The following TRANK1 variants were observed in gnomAD, a reference collection of about 807,000 sequenced individuals.
TRANK1 encodes tetratricopeptide repeat and ankyrin repeat containing 1, also known as TPR and ankyrin repeat-containing protein 1.
A neutral mutation model predicts 266.0 loss-of-function variants in TRANK1; 198 were observed. That is an observed-to-expected ratio of 0.74 (90% CI 0.66 to 0.84). The LOEUF (loss-of-function observed/expected upper bound fraction) is 0.84. Among genes scored for constraint, TRANK1 ranks in the 40% least tolerant of loss-of-function variants. The pLI, the probability that TRANK1 is intolerant of heterozygous loss-of-function variation, is 0.00. For missense variants in TRANK1, 3,326 were observed against 3,634.6 expected (o/e 0.92, Z 2.18); for synonymous variants, 1,396 against 1,384.1 (o/e 1.01, Z -0.19).
At position 36,864,430 on chromosome 3, in the gene TRANK1, C is replaced by T. The variant is rs1424358002; in HGVS notation, c.1129G>A (p.Val377Ile). 2.0e-6 allele frequency: 3 copies of T among 1,536,604 alleles called. No homozygotes were observed. The highest frequency in any genetic ancestry group is 2.4e-5 in the East Asian group (1 of 40,904). Residue 377 changes from valine (V) to isoleucine (I), a missense_variant, in exon 10 of 24, where the codon GTC (valine) becomes ATC (isoleucine). Coordinates refer to ENST00000645898, the MANE Select transcript of TRANK1 (RefSeq NM_001329998.2). ...ATATACTTCACCAGCTGCTCCAAGACCTTCCTGAAAATGTCGTTTTCACTA... is the reference window on the plus strand; with the variant it reads ...ATATACTTCACCAGCTGCTCCAAGATCTTCCTGAAAATGTCGTTTTCACTA... Reference protein sequence around the residue: ...PTSENDIFRKVLEQLVKYMNS... With the variant: ...PTSENDIFRKILEQLVKYMNS...
intron 1 of TRANK1, among the ~76,000 whole-genome samples, chr3:36,911,774 T>C (rs1048091482): frequency 1.3e-5 from 2 of 152,260 alleles, no homozygotes; most frequent in African/African-American, 4.8e-5. Context: ...ATGATTTATT[T>C]ATAAGATGAA....
chr3:36,857,532 GTC>G lies in TRANK1; in HGVS notation c.2188_2189del (p.Asp730LeufsTer14), dbSNP rs2079075210. The G allele has an allele frequency of 6.2e-7, 1 of 1,613,916 alleles. No individual in the cohort carries two copies. Reference protein sequence around the residue: ...PGALRPCSLRDCLMQDITVLI... With the variant: ...PGALRPCSLRXCLMQDITVLI... ...AAACTGTGATGTCCTGCATAAGGCA[GTC>G]TCTCAGCGAGCAGGGCCTGAGAGCT... On this transcript the variant is annotated frameshift_variant, in exon 13 of 24. Transcript: ENST00000645898. LOFTEE classifies it high-confidence loss of function. The surrounding 1 kb of genome is among the most constrained non-coding windows in gnomAD (Gnocchi z 4.3).
At position 36,846,372 on chromosome 3, in the gene TRANK1, G is replaced by T. The variant is rs142584752; in HGVS notation, c.5067C>A (p.Thr1689=). Residue 1689 remains threonine (T), a synonymous_variant, in exon 17 of 24, where the codon ACC becomes ACA. Coordinates refer to ENST00000645898, the MANE Select transcript of TRANK1 (RefSeq NM_001329998.2). ...GGTTGACCCGAGCCCGTGTGATGGC[G>T]GTGTACAGCTGCTTCAGCTCTCCGT... ...LLNGELKQLY[T]AITRARVNLW... is the part of the protein sequence containing the mutation. The T allele has an allele frequency of 1.9e-5, 30 of 1,613,320 alleles. No homozygotes were observed. In the East Asian group the frequency reaches 6.7e-4, roughly 36 times the overall value.
At chr3:36,936,471 G>C (rs780718673) in intron 1 of TRANK1, among the ~76,000 whole-genome samples, 6 of 151,226 alleles carry the variant, frequency 4.0e-5, no homozygotes, top group African/African-American at 9.7e-5. Context: ...GGGTGACAGA[G>C]TGAGATCCTC....
chr3:36,914,621 T>C (rs2080100311), intron 1 of TRANK1, among the ~76,000 whole-genome samples: 1 of 151,658 alleles, frequency 6.6e-6, no homozygotes, highest in South Asian at 2.1e-4. Flanking sequence ...GGAACATTTT[T>C]CTAGATTATT....
In TRANK1 at chr3:36,856,112, C is replaced by T. The variant is rs2079049229; in HGVS notation, c.3610G>A (p.Glu1204Lys). 1.2e-6 allele frequency: 2 copies of T among 1,613,836 alleles called. No homozygotes were observed. The highest frequency in any genetic ancestry group is 1.7e-6 in the Non-Finnish European group (2 of 1,179,872). Reference protein sequence around the residue: ...FVTKNHVLCQEVQRNFIELSK... With the variant: ...FVTKNHVLCQKVQRNFIELSK... ...AGCTCAATGAAATTCCTTTGTACCT[C>T]CTGGCACAGCACATGGTTCTTGGTC... Residue 1204 changes from glutamate (E) to lysine (K), a missense_variant, in exon 13 of 24, where the codon GAG (glutamate) becomes AAG (lysine). By Grantham distance (56) the Glu-to-Lys change is moderately conservative (BLOSUM62 1). Coordinates refer to ENST00000645898, the MANE Select transcript of TRANK1 (RefSeq NM_001329998.2).
intron 1 of TRANK1, among the ~76,000 whole-genome samples, chr3:36,923,682 T>C (rs1018656352): frequency 6.6e-6 from 1 of 152,148 alleles, no homozygotes; most frequent in Non-Finnish European, 1.5e-5. Flanking sequence ...CCCCTCTCTC[T>C]TTCCCTTTCT....
intron 1 of TRANK1, among the ~76,000 whole-genome samples, chr3:36,929,084 A>C (rs554967657): frequency 2.0e-5 from 3 of 152,254 alleles, no homozygotes; most frequent in African/African-American, 7.2e-5. Context: ...AAAACAAATA[A>C]ATAAAAGAGT....
intron 15 of TRANK1, chr3:36,850,406 C>T (rs1217573860): frequency 1.0e-6 from 1 of 985,152 alleles, no homozygotes; most frequent in East Asian, 1.1e-4. Flanking sequence ...GAACTCAAAG[C>T]ATCTGAGTTC....
chr3:36,879,971 T>C (rs1432271889), intron 8 of TRANK1, among the ~76,000 whole-genome samples: 1 of 10,904 alleles, frequency 9.2e-5, no homozygotes, highest in African/African-American at 7.3e-4. Context: ...CATGCAAATA[T>C]ATGTAAACAT....
At chr3:36,884,029 T>C (rs1303017715) in intron 8 of TRANK1, among the ~76,000 whole-genome samples, 3 of 152,200 alleles carry the variant, frequency 2.0e-5, no homozygotes, top group Non-Finnish European at 2.9e-5. Flanking sequence ...ACAGAGGTAT[T>C]ATGGGTTACC....
Position 36,903,221 on chromosome 3 carries a change from GA to G in TRANK1, c.209del (p.Phe70SerfsTer24). On this transcript the variant is annotated frameshift_variant, in exon 3 of 24. Coordinates refer to ENST00000645898, the MANE Select transcript of TRANK1 (RefSeq NM_001329998.2). LOFTEE classifies it high-confidence loss of function. ...VLLCNKSNAF[F>X]SLGKWNEAFV... ...ATGCCTCATTCCACTTCCCAAGGCT[GA>G]AAAATGCATTTGATTTGTTGCACAG... is the stretch of plus-strand genomic sequence containing the variant. 6.5e-7 allele frequency: 1 copy of G among 1,537,334 alleles called. No individual in the cohort carries two copies. The highest frequency in any genetic ancestry group is 8.7e-7 in the Non-Finnish European group (1 of 1,146,938).
intron 1 of TRANK1, among the ~76,000 whole-genome samples, chr3:36,933,173 G>A (rs189759033): frequency 2.0e-5 from 3 of 151,790 alleles, no homozygotes; most frequent in Admixed American, 6.6e-5. Context: ...TCTCCCTTAT[G>A]TGCCCACCTT....
At chr3:36,939,791 T>C (rs2080471754) in intron 1 of TRANK1, among the ~76,000 whole-genome samples, 1 of 152,154 alleles carries the variant, frequency 6.6e-6, no homozygotes, top group African/African-American at 2.4e-5. Flanking sequence ...AATATTTATG[T>C]GGGAATTAAA....
At chr3:36,934,960 C>T (rs1018008335) in intron 1 of TRANK1, among the ~76,000 whole-genome samples, 1 of 152,100 alleles carries the variant, frequency 6.6e-6, no homozygotes, top group Non-Finnish European at 1.5e-5. Context: ...TTTCATTGCT[C>T]TCCCTGGCCC....
intron 8 of TRANK1, among the ~76,000 whole-genome samples, chr3:36,874,709 C>T (rs917871600): frequency 6.6e-6 from 1 of 152,068 alleles, no homozygotes; most frequent in Non-Finnish European, 1.5e-5. Context: ...GACATGAAAG[C>T]GGTGATTGCT....
rs890351664 is a variant in TRANK1 at position 36,892,844 on chromosome 3, A to G, written c.636+57T>C. ...CTCAGTCTCAAAACAAAACAAAACAAAACAAAACATATATATATATATATA... is the reference window on the plus strand; with the variant it reads ...CTCAGTCTCAAAACAAAACAAAACAGAACAAAACATATATATATATATATA... On this transcript the variant is annotated intron_variant, in intron 6 of 23. Transcript: ENST00000645898. The G allele has an allele frequency of 6.7e-6, 5 of 743,418 alleles. No individual in the cohort carries two copies. In the African/African-American group the frequency reaches 8.7e-5, roughly 13 times the overall value. The allele number at this position is 743,418 out of a possible 1,614,324, so 46.1% of individuals were successfully genotyped here. A position where few individuals can be genotyped will look rare whatever the true frequency, so the allele number is the denominator to read the frequency against.
chr3:36,939,953 C>T (rs986348088), intron 1 of TRANK1, among the ~76,000 whole-genome samples: 2 of 151,634 alleles, frequency 1.3e-5, no homozygotes, highest in African/African-American at 4.8e-5. Context: ...TGCAGTGGTG[C>T]AATCTTGGCT....
rs540411227 is a variant in TRANK1 at position 36,924,457 on chromosome 3, T to C, written c.24-16003A>G. Among the ~76,000 whole-genome samples, 6 of 152,318 alleles carry C rather than the reference T, an allele frequency of 3.9e-5. No individual in the cohort carries two copies. The South Asian group carries it at 1.0e-3, about 26-fold the overall frequency. ...CCCATCTATCCTTCAAACTCACCTCTGGGCTACATTCTAAAGCATTAAAAC... is the reference window on the plus strand; with the variant it reads ...CCCATCTATCCTTCAAACTCACCTCCGGGCTACATTCTAAAGCATTAAAAC... On this transcript the variant is annotated intron_variant, in intron 1 of 23. Coordinates refer to ENST00000645898, the MANE Select transcript of TRANK1 (RefSeq NM_001329998.2).
Sources: allele counts gnomAD v4.1 joint callset (sites outside exome capture counted in the v4.1 genomes callset), GRCh38; gene constraint gnomAD v4.1.1; non-coding constraint Gnocchi (gnomAD v3.1); transcripts MANE v1.5; gene names NCBI Gene and HGNC (gene_info 2026-07-23, HGNC 2026-07-21).